Variants in CHID1 observed in about 807,000 individuals in gnomAD.
CHID1 encodes the protein chitinase domain-containing protein 1.
A neutral mutation model predicts 55.4 loss-of-function variants in CHID1; 44 were observed. The observed-to-expected ratio is 0.79, with a 90% CI of 0.62 to 1.02. The LOEUF (loss-of-function observed/expected upper bound fraction) is 1.02. Among genes scored for constraint, CHID1 ranks in the 50% least tolerant of loss-of-function variants. The probability of loss-of-function intolerance (pLI) is 0.00; values close to 1 mark genes in which losing one functional copy is unlikely to be tolerated. For missense variants in CHID1, 491 were observed against 515.3 expected (o/e 0.95, Z 0.46); for synonymous variants, 216 against 212.9 (o/e 1.01, Z -0.13).
rs376385791 is a variant in CHID1 at position 875,280 on chromosome 11, T to G, written c.960-4781A>C. On this transcript the variant is annotated intron_variant, in intron 10 of 12. Coordinates refer to ENST00000323578, the MANE Select transcript of CHID1 (RefSeq NM_023947.4). The surrounding 1 kb of genome is among the most constrained non-coding windows in gnomAD (Gnocchi z 4.7). ...CAACCAGACAGCCCTCCTCGGTGGGTGGCCATCCTTCTTCGGGGCTGTCCT... is the reference window on the plus strand; with the variant it reads ...CAACCAGACAGCCCTCCTCGGTGGGGGGCCATCCTTCTTCGGGGCTGTCCT... Among the ~76,000 whole-genome samples, 13 of 152,290 alleles carry G rather than the reference T, an allele frequency of 8.5e-5. No individual in the cohort carries two copies. The East Asian group carries it at 2.1e-3, about 25-fold the overall frequency.
rs1848970939 is a variant in CHID1, at chr11:868,091, CCT to C, written c.*1765_*1766del. 6.6e-6 allele frequency: 1 copy of C among 152,178 alleles called. No homozygotes were observed. The highest frequency in any genetic ancestry group is 6.5e-5 in the Admixed American group (1 of 15,272). 9.4% of individuals were successfully genotyped at this position (152,178 alleles called of 1,614,324 possible). On this transcript the variant is annotated 3_prime_UTR_variant, in exon 13 of 13. Coordinates refer to ENST00000323578, the MANE Select transcript of CHID1 (RefSeq NM_023947.4). ...TCCCATCCTGTGTGGCATCCCCACC[CCT>C]GCCTCCACCCAATGCTGATCTGGCA...
chr11:879,056 C>T (rs1849710665), intron 10 of CHID1, among the ~76,000 whole-genome samples: 1 of 152,172 alleles, frequency 6.6e-6, no homozygotes, highest in African/African-American at 2.4e-5. Context: ...CCGTGTTAGC[C>T]AGGATGGTCT....
At chr11:870,013 G>A (rs980054010) in intron 12 of CHID1, 57 bp from the exon 13 acceptor site, 5 of 1,606,738 alleles carry the variant, frequency 3.1e-6, no homozygotes, top group Non-Finnish European at 4.3e-6. Flanking sequence ...AACACCCAGG[G>A]ATGTCCTCCA....
Position 892,766 on chromosome 11 carries a change from G to C in CHID1, c.701+661C>G, listed in dbSNP as rs146572089. 2.3e-3 allele frequency among the ~76,000 whole-genome samples: 346 copies of C among 152,336 alleles called. 4 individuals carry two copies. Among genetic ancestry groups the C allele is most frequent in the African/African-American group, 8.0e-3 (333 of 41,582 alleles). Reference sequence around the variant, plus strand: ...AGCCCTGGAAAGCTTGGAGAGAAAAGTCGGTTGACTGTGCAAAGGGCCCTC... The same window carrying C: ...AGCCCTGGAAAGCTTGGAGAGAAAACTCGGTTGACTGTGCAAAGGGCCCTC... On this transcript the variant is annotated intron_variant, in intron 8 of 12. Transcript: ENST00000323578.
upstream of CHID1, chr11:914,445 G>T (rs755460157): frequency 8.7e-6 from 9 of 1,034,820 alleles, no homozygotes; most frequent in Non-Finnish European, 1.2e-5. Flanking sequence ...GGGGCAGGCC[G>T]GTGGGGTGAG....
At chr11:882,705 A>T (rs943529944) in intron 10 of CHID1, among the ~76,000 whole-genome samples, 2 of 152,240 alleles carry the variant, frequency 1.3e-5, no homozygotes, top group African/African-American at 2.4e-5. Context: ...AGAATTCTAC[A>T]GCCAGGAAAG....
At chr11:883,834 G>T (rs1356476821) in intron 9 of CHID1, among the ~76,000 whole-genome samples, 2 of 152,324 alleles carry the variant, frequency 1.3e-5, no homozygotes, top group East Asian at 3.9e-4. Flanking sequence ...TGTACCTCTG[G>T]CCGTGACCCA....
intron 2 of CHID1, among the ~76,000 whole-genome samples, chr11:903,372 A>G (rs1851965838): frequency 6.6e-6 from 1 of 152,202 alleles, no homozygotes; most frequent in Non-Finnish European, 1.5e-5. Flanking sequence ...GCAGGCAGGC[A>G]GACAGACAGT....
chr11:884,056 G>A lies in CHID1; in HGVS notation c.803+12C>T. ...TTTGCTGTGCCCAGGAGCCCCCCAA[G>A]CCCACACTCACTGATGCGCTGTAGA... On this transcript the variant is annotated intron_variant, in intron 9 of 12. Coordinates refer to ENST00000323578, the MANE Select transcript of CHID1 (RefSeq NM_023947.4). 6.2e-7 allele frequency: 1 copy of A among 1,606,362 alleles called. No individual in the cohort carries two copies. The highest frequency in any genetic ancestry group is 8.5e-7 in the Non-Finnish European group (1 of 1,172,986).
rs758026901 is a variant in CHID1 at position 893,529 on chromosome 11, C to T, written c.609-10G>A. 1.7e-5 allele frequency: 26 copies of T among 1,545,198 alleles called. No individual in the cohort carries two copies. In the South Asian group the frequency reaches 2.7e-4, roughly 16 times the overall value. ...CATGTGGATGAGGCCCCTGCAAGAA[C>T]CGAGAGATGGGGTCAGCAGTGCCTG... On this transcript the variant is annotated splice_polypyrimidine_tract_variant and intron_variant, in intron 7 of 12. Coordinates refer to ENST00000323578, the MANE Select transcript of CHID1 (RefSeq NM_023947.4).
At position 875,451 on chromosome 11, in the gene CHID1, CT is replaced by C. The variant is rs1460487257; in HGVS notation, c.960-4953del. On this transcript the variant is annotated intron_variant, in intron 10 of 12. Transcript: ENST00000323578. This position sits in a 1 kb window ranked among gnomAD's most constrained non-coding sequence, Gnocchi z 4.7. ...CCATTGGGGATGTGCTCAGGAGCTG[CT>C]GCTAGTCAGCCAAGGCTCCCAGAGG... Among the ~76,000 whole-genome samples the C allele has an allele frequency of 6.6e-6, 1 of 152,246 alleles. No individual in the cohort carries two copies. Among genetic ancestry groups the C allele is most frequent in the Non-Finnish European group, 1.5e-5 (1 of 68,050 alleles).
rs756519811 is a variant in CHID1, at chr11:903,014, G to C, written c.209C>G (p.Ala70Gly). The C allele has an allele frequency of 5.0e-6, 8 of 1,614,006 alleles. No individual in the cohort carries two copies. Among genetic ancestry groups the C allele is most frequent in the Non-Finnish European group, 5.1e-6 (6 of 1,180,020 alleles). Residue 70 changes from alanine to glycine, a missense_variant, in exon 3 of 13, where the codon GCA becomes GGA. Transcript: ENST00000323578. ...VVLEHRSYCS[A>G]KARDRHFAGD... ...AGCAAAGTGTCTGTCCCGGGCCTTT[G>C]CCGAGCAGTAGCTGCGATGCTCAAG...
At chr11:899,525 C>CCA in intron 6 of CHID1, 124 bp from the exon 7 acceptor site, 1 of 859,640 alleles carries the variant, frequency 1.2e-6, no homozygotes, top group South Asian at 1.5e-5. Context: ...GAGGCAAGAC[C>CCA]CAAGCCTGGG....
At chr11:889,055 C>A (rs1237938961) in intron 8 of CHID1, among the ~76,000 whole-genome samples, 1 of 152,202 alleles carries the variant, frequency 6.6e-6, no homozygotes, top group East Asian at 1.9e-4. Flanking sequence ...CACTGCCCAG[C>A]TGGCTGCCTC....
chr11:884,543 T>C (rs7479983), intron 8 of CHID1, among the ~76,000 whole-genome samples: 34,129 of 152,010 alleles, frequency 0.22, 4,505 homozygotes, highest in South Asian at 0.49. Context: ...TGATCCAGGC[T>C]CCCAGGAGCG....
At chr11:882,719 T>A (rs1358016113) in intron 10 of CHID1, among the ~76,000 whole-genome samples, 1 of 152,128 alleles carries the variant, frequency 6.6e-6, no homozygotes, top group Non-Finnish European at 1.5e-5. Flanking sequence ...AGGAAAGATG[T>A]CCTCCAGAAA....
At chr11:896,898 CCCCCAG>C in intron 7 of CHID1, among the ~76,000 whole-genome samples, 1 of 106,228 alleles carries the variant, frequency 9.4e-6, no homozygotes, top group Non-Finnish European at 2.0e-5. Context: ...TGTCTCAGCA[CCCCCAG>C]CCTCCACCCC....
intron 8 of CHID1, among the ~76,000 whole-genome samples, chr11:888,389 A>G (rs1023801309): frequency 2.0e-5 from 3 of 152,200 alleles, no homozygotes; most frequent in African/African-American, 7.2e-5. Flanking sequence ...TACTTGCAAG[A>G]AACACTGCAA....
intron 1 of CHID1, chr11:908,609 T>C (rs1852408843): frequency 1.2e-5 from 12 of 985,434 alleles, no homozygotes; most frequent in Non-Finnish European, 1.4e-5. Flanking sequence ...GCCCATTCCA[T>C]GACCACTGGC....
Sources: gnomAD v4.1 joint callset for allele counts (sites outside exome capture counted in the v4.1 genomes callset) on GRCh38, gnomAD v4.1.1 for gene constraint, Gnocchi (gnomAD v3.1) non-coding constraint, MANE v1.5 for transcripts, NCBI Gene and HGNC (gene_info 2026-07-23, HGNC 2026-07-21) for gene names.